ACTN3: variants seen among roughly 807,000 people sequenced by gnomAD.
ACTN3 encodes the protein actinin alpha 3.
Under a neutral mutation model 119.6 loss-of-function variants are expected in ACTN3, and 91 were observed. The observed-to-expected ratio is 0.76, with a 90% confidence interval of 0.64 to 0.91. ACTN3 has a LOEUF of 0.91. ACTN3 is among the 40% of genes least tolerant of loss of function. ACTN3 has a pLI of 0.00. For missense variants in ACTN3, 1,221 were observed against 1,215.1 expected (o/e 1.00, Z -0.07); for synonymous variants, 456 against 478.8 (o/e 0.95, Z 0.62).
At chr11:66,546,634 A>G, upstream of ACTN3, 1 of 1,533,660 alleles carries the variant, frequency 6.5e-7, no homozygotes, top group Non-Finnish European at 8.7e-7. Context: ...TGTGGAGAGG[A>G]GTAAACAGAC....
chr11:66,562,190 T>C (rs761814523), intron 18 of ACTN3, 22 bp downstream of exon 18: 1 of 1,613,784 alleles, frequency 6.2e-7, no homozygotes. Context: ...CCTGGCCCTG[T>C]GGGGTAAGAC....
Position 66,556,159 on chromosome 11 carries a change from C to T in ACTN3, c.733C>T (p.Pro245Ser). The T allele has an allele frequency of 1.2e-6, 2 of 1,613,734 alleles. No individual in the cohort carries two copies. The highest frequency in any genetic ancestry group is 1.7e-6 in the Non-Finnish European group (2 of 1,179,828). ...MLDAEDIVNTPKPDEKAIMTY... is the reference protein window; with the variant it reads ...MLDAEDIVNTSKPDEKAIMTY... ...TCCTCCCCTAGACATTGTGAACACC[C>T]CAAAGCCGGATGAGAAGGCCATCAT... The change falls in exon 8 of 21, where the codon CCA becomes TCA. Residue 245 changes from proline (P) to serine (S), a missense_variant. Physicochemically the swap from Pro to Ser is moderately conservative, Grantham distance 74. Coordinates refer to ENST00000513398, the MANE Select transcript of ACTN3 (RefSeq NM_001104.4).
At chr11:66,554,200 G>A in intron 4 of ACTN3, 69 bp downstream of exon 4, 1 of 1,397,560 alleles carries the variant, frequency 7.2e-7, no homozygotes, top group Admixed American at 1.8e-5. Flanking sequence ...CAGTTTGGGA[G>A]GTCGAGGCGG....
intron 5 of ACTN3, 101 bp downstream of exon 5, chr11:66,554,724 C>A: frequency 2.1e-6 from 2 of 968,290 alleles, no homozygotes; most frequent in South Asian, 3.4e-5. Flanking sequence ...TGGTCTCTGT[C>A]ACAAGCCACA....
chr11:66,557,661 G>A (rs754667993), intron 9 of ACTN3, 38 bp from the exon 10 acceptor site: 52 of 1,573,658 alleles, frequency 3.3e-5, no homozygotes, highest in Middle Eastern at 1.7e-4. Context: ...GCAGGTCAGC[G>A]CAGAGCTGTC....
chr11:66,562,735 C>A (rs764832936), intron 19 of ACTN3, 61 bp from the exon 20 acceptor site: 81 of 1,528,160 alleles, frequency 5.3e-5, no homozygotes, highest in Non-Finnish European at 6.7e-5. Flanking sequence ...CAGGAGGGGA[C>A]ACTGGGAGCC....
upstream of ACTN3, chr11:66,546,900 A>G (rs1040410940): frequency 2.0e-6 from 3 of 1,522,382 alleles, no homozygotes; most frequent in South Asian, 1.3e-5. Flanking sequence ...GGTGTCCGAG[A>G]GCGTGCCGAG....
chr11:66,552,607 G>C (rs989282009), intron 3 of ACTN3, among the ~76,000 whole-genome samples: 7 of 151,890 alleles, frequency 4.6e-5, no homozygotes, highest in Non-Finnish European at 1.0e-4. Flanking sequence ...CTGTATTCTC[G>C]CACTTTGGGA....
intron 7 of ACTN3, 127 bp downstream of exon 7, chr11:66,555,494 T>G (rs1320344342): frequency 1.1e-6 from 1 of 906,700 alleles, no homozygotes; most frequent in Non-Finnish European, 1.7e-6. Flanking sequence ...CACTCCCTGG[T>G]CACAGTCCCC....
At chr11:66,556,019 G>C in intron 7 of ACTN3, 126 bp from the exon 8 acceptor site, 3 of 795,384 alleles carry the variant, frequency 3.8e-6, no homozygotes, top group Non-Finnish European at 6.0e-6. Flanking sequence ...AGAAGACACT[G>C]GGCTTGGGTG....
chr11:66,552,206 T>C (rs1349151998), intron 3 of ACTN3, among the ~76,000 whole-genome samples: 1 of 151,610 alleles, frequency 6.6e-6, no homozygotes, highest in Non-Finnish European at 1.5e-5. Context: ...GGTAAAACCC[T>C]GTCTCTACTA....
Position 66,559,302 on chromosome 11 carries a change from T to A in ACTN3, c.1343T>A (p.Leu448Gln). The change falls in exon 12 of 21, where the codon CTG (leucine) becomes CAG (glutamine). Residue 448 changes from leucine (L) to glutamine (Q), a missense_variant. By Grantham distance (113) the Leu-to-Gln change is moderately radical (BLOSUM62 -2). This residue lies in a region of ACTN3 where 934 missense variants were observed against 899.9 expected (regional missense o/e 1.04). Transcript: ENST00000513398. Reference protein sequence around the residue: ...SALLQEVRALLRRHEAFESDL... With the variant: ...SALLQEVRALQRRHEAFESDL... ...TTGCTACAGGAGGTGCGGGCGTTGCTGCGGCGCCACGAGGCCTTTGAGAGC... is the reference window on the plus strand; with the variant it reads ...TTGCTACAGGAGGTGCGGGCGTTGCAGCGGCGCCACGAGGCCTTTGAGAGC... The A allele has an allele frequency of 1.9e-6, 3 of 1,574,068 alleles. No individual in the cohort carries two copies. The highest frequency in any genetic ancestry group is 2.6e-6 in the Non-Finnish European group (3 of 1,162,378).
rs770965934 is a variant in ACTN3, at chr11:66,557,802, G to A, written c.1001G>A (p.Arg334Gln). The stretch of plus-strand genomic sequence containing the variant: ...AAACTAGAGGACTTTCGGGACTACC[G>A]GCGTCTGCACAAGCCGCCCCGCATT... ...QRKLEDFRDY[R>Q]RLHKPPRIQE... The change falls in exon 10 of 21, where the codon CGG (arginine) becomes CAG (glutamine). Residue 334 changes from arginine (R) to glutamine (Q), a missense_variant. Arg to Gln is a conservative substitution (Grantham distance 43). Around this residue, in one of 3 missense-constraint regions of ACTN3, gnomAD observed 934 missense variants for 899.9 expected, o/e 1.04. Transcript: ENST00000513398. The A allele has an allele frequency of 1.8e-5, 29 of 1,613,818 alleles. No homozygotes were observed. In the Admixed American group the frequency reaches 2.0e-4, roughly 11 times the overall value.
rs375781686 is a variant in ACTN3 at position 66,558,045 on chromosome 11, C to T, written c.1147C>T (p.Arg383Trp). 37 of 1,613,666 alleles carry T rather than the reference C, an allele frequency of 2.3e-5. No individual in the cohort carries two copies. The highest frequency in any genetic ancestry group is 1.7e-4 in the African/African-American group (13 of 74,936). The change falls in exon 11 of 21, where the codon CGG becomes TGG. Residue 383 changes from arginine (R) to tryptophan (W), a missense_variant. By Grantham distance (101) the Arg-to-Trp change is moderately radical. Transcript: ENST00000513398. ...KLVSDIANAW[R>W]GLEQVEKGYE... The stretch of plus-strand genomic sequence containing the variant: ...TCCACAGGACATCGCCAACGCCTGG[C>T]GGGGGCTGGAGCAGGTGGAAAAGGG...
In ACTN3 at chr11:66,561,665, G is replaced by A. The variant is rs113929928; in HGVS notation, c.2175+28G>A. 2,673 of 1,597,860 alleles carry A rather than the reference G, an allele frequency of 1.7e-3. 37 individuals carry two copies. The African/African-American group carries it at 0.031, about 18-fold the overall frequency. ...GGGATCACACCCTCTCAGGAGAGTGGGGAGGCAGCACTGGCTGAGGAGGCC... is the reference window on the plus strand; with the variant it reads ...GGGATCACACCCTCTCAGGAGAGTGAGGAGGCAGCACTGGCTGAGGAGGCC... On this transcript the variant is annotated intron_variant, in intron 17 of 20. Coordinates refer to ENST00000513398, the MANE Select transcript of ACTN3 (RefSeq NM_001104.4).
At chr11:66,550,616 G>A (rs1857449850) in intron 1 of ACTN3, among the ~76,000 whole-genome samples, 1 of 152,200 alleles carries the variant, frequency 6.6e-6, no homozygotes, top group Admixed American at 6.5e-5. Context: ...AGGAGCTTGA[G>A]ACAAGCCTGA....
intron 7 of ACTN3, 96 bp from the exon 8 acceptor site, chr11:66,556,049 G>C (rs1857583102): frequency 5.2e-6 from 6 of 1,152,526 alleles, no homozygotes; most frequent in Non-Finnish European, 7.5e-6. Context: ...TGGTGGCCAT[G>C]ACTGGATGCT....
chr11:66,553,076 G>A (rs527636884), intron 3 of ACTN3, among the ~76,000 whole-genome samples: 27 of 151,762 alleles, frequency 1.8e-4, no homozygotes, highest in African/African-American at 6.0e-4. Context: ...CCAATACAGT[G>A]AAATCCATCT....
intron 1 of ACTN3, among the ~76,000 whole-genome samples, chr11:66,549,116 A>T (rs915251331): frequency 6.6e-6 from 1 of 151,830 alleles, no homozygotes; most frequent in Non-Finnish European, 1.5e-5. Context: ...GCCTCTCACC[A>T]CTTATACCCC....
Sources: allele counts gnomAD v4.1 joint callset (sites outside exome capture counted in the v4.1 genomes callset), GRCh38; gene constraint gnomAD v4.1.1; regional missense constraint gnomAD v4.1.1; transcripts MANE v1.5; gene names NCBI Gene and HGNC (gene_info 2026-07-23, HGNC 2026-07-21).